Variants in DNAJC1 observed in about 807,000 individuals in gnomAD.
DNAJC1 encodes the protein dnaJ homolog subfamily C member 1.
A neutral mutation model predicts 76.6 loss-of-function variants in DNAJC1; 58 were observed. That is an observed-to-expected ratio of 0.76 (90% CI 0.61 to 0.94). The LOEUF (loss-of-function observed/expected upper bound fraction) is 0.94, where lower values mean the gene tolerates loss of function less well. Ranked by LOEUF, DNAJC1 falls within the 40% of genes least tolerant of loss-of-function variation. The pLI is 0.00. For missense variants in DNAJC1, 689 were observed against 677.3 expected (o/e 1.02, Z -0.19); for synonymous variants, 258 against 267.9 (o/e 0.96, Z 0.36).
chr10:21,860,408 T>G (rs1294846660), intron 8 of DNAJC1, among the ~76,000 whole-genome samples: 2 of 151,988 alleles, frequency 1.3e-5, no homozygotes, highest in African/African-American at 4.8e-5. Flanking sequence ...AAACTAGAAT[T>G]CAGGATGGAC....
chr10:21,895,011 T>G (rs577090645), intron 7 of DNAJC1, among the ~76,000 whole-genome samples: 1 of 152,174 alleles, frequency 6.6e-6, no homozygotes, highest in Non-Finnish European at 1.5e-5. Context: ...CTGTTGATCA[T>G]AAATTACCCA....
At chr10:21,770,053 T>C (rs982196460) in intron 9 of DNAJC1, among the ~76,000 whole-genome samples, 5 of 152,188 alleles carry the variant, frequency 3.3e-5, no homozygotes, top group Non-Finnish European at 5.9e-5. Flanking sequence ...AGTTTTATCA[T>C]CCAAGTCACT....
At chr10:21,784,058 T>C (rs1357126593) in intron 9 of DNAJC1, among the ~76,000 whole-genome samples, 2 of 152,186 alleles carry the variant, frequency 1.3e-5, no homozygotes, top group African/African-American at 4.8e-5. Context: ...AAATGGGATC[T>C]AAATAAGCTA....
Position 21,806,024 on chromosome 10 carries a change from G to A in DNAJC1, c.1054C>T (p.Arg352Ter), listed in dbSNP as rs771599858. Residue 352 changes from arginine (R) to a stop codon, truncating the protein, a stop_gained, in exon 9 of 12, where the codon CGA becomes TGA. Transcript: ENST00000376980. LOFTEE classifies it high-confidence loss of function. ...MVKFPGGTPG[R>*]WEKIAHELGR... ...AATTCGTGGGCAATCTTTTCCCATCGACCTGGAGTCCCTCCTGGGAACTTA... is the reference window on the plus strand; with the variant it reads ...AATTCGTGGGCAATCTTTTCCCATCAACCTGGAGTCCCTCCTGGGAACTTA... The A allele has an allele frequency of 1.2e-6, 2 of 1,611,696 alleles. No homozygotes were observed. The highest frequency in any genetic ancestry group is 1.7e-6 in the Non-Finnish European group (2 of 1,179,644).
At chr10:21,786,980 T>C (rs1321059712) in intron 9 of DNAJC1, among the ~76,000 whole-genome samples, 1 of 152,118 alleles carries the variant, frequency 6.6e-6, no homozygotes, top group Admixed American at 6.5e-5. Flanking sequence ...CAAGATTTAG[T>C]TTAATGGGAT....
intron 8 of DNAJC1, among the ~76,000 whole-genome samples, chr10:21,844,310 G>A (rs1835621501): frequency 6.6e-6 from 1 of 150,718 alleles, no homozygotes; most frequent in Non-Finnish European, 1.5e-5. Flanking sequence ...GTTTCACAAC[G>A]TTGCCCAGGC....
chr10:22,003,074 C>T (rs1838548648), intron 1 of DNAJC1, 139 bp downstream of exon 1: 2 of 1,312,526 alleles, frequency 1.5e-6, no homozygotes, highest in African/African-American at 3.1e-5. Flanking sequence ...GCTGAGGACC[C>T]CGGTGACCCG....
chr10:21,780,938 G>T (rs923403451), intron 9 of DNAJC1, among the ~76,000 whole-genome samples: 27 of 152,028 alleles, frequency 1.8e-4, no homozygotes, highest in African/African-American at 6.3e-4. Flanking sequence ...AGAAAAGCAG[G>T]GGTTGCAATC....
chr10:21,829,761 T>C (rs936158414), intron 8 of DNAJC1, among the ~76,000 whole-genome samples: 2 of 152,388 alleles, frequency 1.3e-5, no homozygotes, highest in South Asian at 2.1e-4. Context: ...GTTATTTAAC[T>C]GGTAATTATA....
intron 8 of DNAJC1, among the ~76,000 whole-genome samples, chr10:21,833,915 A>G (rs1171789258): frequency 6.6e-6 from 1 of 152,222 alleles, no homozygotes. Context: ...ACTAGAAATC[A>G]GACAGGGGAA....
At chr10:21,795,970 C>CTT (rs528288634) in intron 9 of DNAJC1, among the ~76,000 whole-genome samples, 27 of 132,866 alleles carry the variant, frequency 2.0e-4, no homozygotes, top group Non-Finnish European at 2.6e-4. Flanking sequence ...GGGATTTCCG[C>CTT]TTTTTTTTTT....
intron 8 of DNAJC1, among the ~76,000 whole-genome samples, chr10:21,871,040 C>T (rs1331634671): frequency 6.6e-6 from 1 of 152,006 alleles, no homozygotes; most frequent in African/African-American, 2.4e-5. Flanking sequence ...GTTTAAAAGG[C>T]TTGTATTTAT....
intron 1 of DNAJC1, among the ~76,000 whole-genome samples, chr10:21,930,098 C>T (rs915230417): frequency 1.3e-5 from 2 of 152,152 alleles, no homozygotes; most frequent in Non-Finnish European, 2.9e-5. Flanking sequence ...GCCTCAGCCT[C>T]CAGAGGAGCT....
chr10:21,956,470 A>G (rs1194378735), intron 1 of DNAJC1, among the ~76,000 whole-genome samples: 1 of 152,060 alleles, frequency 6.6e-6, no homozygotes, highest in African/African-American at 2.4e-5. Flanking sequence ...TAGATTAAAT[A>G]AGAGGACACT....
chr10:21,911,411 C>T (rs1393788135), intron 6 of DNAJC1, among the ~76,000 whole-genome samples: 1 of 151,928 alleles, frequency 6.6e-6, no homozygotes, highest in African/African-American at 2.4e-5. Context: ...ATATAATATG[C>T]AATAAAATTA....
chr10:21,800,794 CT>C (rs923546321), intron 9 of DNAJC1, among the ~76,000 whole-genome samples: 8 of 152,156 alleles, frequency 5.3e-5, no homozygotes, highest in Non-Finnish European at 1.0e-4. Flanking sequence ...TCACAGAGAT[CT>C]CTTTAAAATT....
chr10:21,832,530 G>A (rs1263533842), intron 8 of DNAJC1, among the ~76,000 whole-genome samples: 5 of 151,902 alleles, frequency 3.3e-5, no homozygotes, highest in Non-Finnish European at 7.4e-5. Context: ...TTTTTTTAAT[G>A]GTAACTGTCT....
chr10:21,799,755 C>T (rs533242770), intron 9 of DNAJC1, among the ~76,000 whole-genome samples: 10 of 152,174 alleles, frequency 6.6e-5, no homozygotes, highest in Non-Finnish European at 1.5e-5. Context: ...TTGTCCTCTT[C>T]GATTTATTCC....
intron 8 of DNAJC1, among the ~76,000 whole-genome samples, chr10:21,862,551 C>G (rs959006170): frequency 1.3e-5 from 2 of 151,526 alleles, no homozygotes; most frequent in African/African-American, 4.9e-5. Context: ...GCCTCAGCCT[C>G]CCAAGTAGCT....
Sources: allele counts gnomAD v4.1 joint callset (sites outside exome capture counted in the v4.1 genomes callset), GRCh38; gene constraint gnomAD v4.1.1; transcripts MANE v1.5; gene names NCBI Gene and HGNC (gene_info 2026-07-23, HGNC 2026-07-21).